The following SNAP25 variants were observed in gnomAD, a reference collection of about 807,000 sequenced individuals.
SNAP25 encodes synaptosomal-associated protein 25.
A neutral mutation model predicts 28.7 loss-of-function variants in SNAP25; 3 were observed. The observed-to-expected ratio is 0.10, with a 90% confidence interval of 0.05 to 0.27. The LOEUF is 0.27. SNAP25 is among the 10% of genes least tolerant of loss of function. The probability of loss-of-function intolerance (pLI) is 1.00; values close to 1 mark genes in which losing one functional copy is unlikely to be tolerated. For missense variants in SNAP25, 117 were observed against 278.7 expected, an observed-to-expected ratio of 0.42 and a Z score of 4.13; for synonymous variants, 61 against 88.1, an observed-to-expected ratio of 0.69 and a Z score of 1.72.
intron 5 of SNAP25, among the ~76,000 whole-genome samples, chr20:10,295,651 G>C (rs546202784): frequency 1.3e-5 from 2 of 151,152 alleles, no homozygotes; most frequent in East Asian, 3.9e-4. Flanking sequence ...GTCCTCTGGC[G>C]AAAGAAGAAG....
chr20:10,247,155 A>G (rs1468447707), intron 1 of SNAP25, among the ~76,000 whole-genome samples: 2 of 152,330 alleles, frequency 1.3e-5, no homozygotes, highest in East Asian at 3.9e-4. Context: ...TGGCAAATGC[A>G]AACATCTTTT....
At chr20:10,273,382 G>T (rs1037827404) in intron 1 of SNAP25, among the ~76,000 whole-genome samples, 22 of 152,136 alleles carry the variant, frequency 1.4e-4, no homozygotes, top group African/African-American at 5.3e-4. Context: ...ACTAGTTAGT[G>T]TAACACAGGC....
chr20:10,271,912 T>TC (rs1324380346), intron 1 of SNAP25, among the ~76,000 whole-genome samples: 11 of 151,684 alleles, frequency 7.3e-5, no homozygotes, highest in East Asian at 3.9e-4. Context: ...GATACACATT[T>TC]CCCCCCCAGG....
chr20:10,264,641 T>C (rs1186713117), intron 1 of SNAP25, among the ~76,000 whole-genome samples: 1 of 150,336 alleles, frequency 6.7e-6, no homozygotes, highest in Non-Finnish European at 1.5e-5. Flanking sequence ...TCTTGTGTTT[T>C]TGGATAGTTT....
intron 6 of SNAP25, 81 bp from the exon 7 acceptor site, chr20:10,299,187 G>C (rs1466804423): frequency 2.0e-6 from 3 of 1,504,620 alleles, no homozygotes; most frequent in Non-Finnish European, 2.7e-6. Flanking sequence ...GAGGACGACA[G>C]ATTTCCACTA....
At chr20:10,278,121 C>T (rs1265750785) in intron 3 of SNAP25, 1 of 158,308 alleles carries the variant, frequency 6.3e-6, no homozygotes, top group African/African-American at 2.4e-5. Context: ...TCTTGAGATT[C>T]TGTTCTAACT....
At chr20:10,275,311 T>C (rs1306321685) in intron 1 of SNAP25, 118 bp from the exon 2 acceptor site, 2 of 397,086 alleles carry the variant, frequency 5.0e-6, no homozygotes, top group African/African-American at 4.1e-5. Context: ...AGTATGGCTT[T>C]CAGATCAGAA....
At chr20:10,300,162 A>G (rs908428956) in intron 7 of SNAP25, among the ~76,000 whole-genome samples, 2 of 152,072 alleles carry the variant, frequency 1.3e-5, no homozygotes, top group Admixed American at 1.3e-4. Flanking sequence ...GGGCCATAAG[A>G]AAGACTGGAG....
intron 1 of SNAP25, among the ~76,000 whole-genome samples, chr20:10,246,223 A>T (rs2063124414): frequency 6.6e-6 from 1 of 152,184 alleles, no homozygotes. Context: ...CCTGGTTTAG[A>T]GTAAAAGAGA....
At chr20:10,296,611 A>C in intron 5 of SNAP25, 1 of 319,018 alleles carries the variant, frequency 3.1e-6, no homozygotes, top group South Asian at 3.5e-5. Context: ...ACTAAAATAG[A>C]ATTAAATGTC....
chr20:10,274,297 C>G (rs545500853), intron 1 of SNAP25, among the ~76,000 whole-genome samples: 23 of 152,278 alleles, frequency 1.5e-4, no homozygotes, highest in African/African-American at 5.5e-4. Flanking sequence ...CACCCTCACA[C>G]AAGCCCTTTT....
intron 1 of SNAP25, among the ~76,000 whole-genome samples, chr20:10,252,914 A>C (rs2063257069): frequency 6.6e-6 from 1 of 151,920 alleles, no homozygotes; most frequent in Non-Finnish European, 1.5e-5. Context: ...CAGATTCTCC[A>C]TCTGAAAAAA....
chr20:10,239,484 T>C (rs2122724376), intron 1 of SNAP25, among the ~76,000 whole-genome samples: 1 of 152,362 alleles, frequency 6.6e-6, no homozygotes, highest in South Asian at 2.1e-4. Flanking sequence ...TAGATCTTTT[T>C]AAACTACAAA....
chr20:10,225,112 C>T (rs1296368495), intron 1 of SNAP25, among the ~76,000 whole-genome samples: 2 of 151,854 alleles, frequency 1.3e-5, no homozygotes, highest in African/African-American at 4.8e-5. Flanking sequence ...GCTTTAAAAA[C>T]ATAGGACAAG....
intron 1 of SNAP25, among the ~76,000 whole-genome samples, chr20:10,272,431 A>G (rs1459681105): frequency 1.3e-5 from 2 of 152,144 alleles, no homozygotes; most frequent in African/African-American, 4.8e-5. Context: ...TATGGTCCAT[A>G]GTCTACTCAA....
intron 1 of SNAP25, among the ~76,000 whole-genome samples, chr20:10,259,417 A>C (rs2063373429): frequency 6.6e-6 from 1 of 152,220 alleles, no homozygotes; most frequent in Non-Finnish European, 1.5e-5. Context: ...CTTTTCCAAA[A>C]AGGATGGGAG....
At position 10,293,026 on chromosome 20, in the gene SNAP25, TG is replaced by T; in HGVS notation, c.164-134del. The stretch of plus-strand genomic sequence containing the variant: ...TAGGTACTGGGTACCAGCTCTAATC[TG>T]TGGCGTCCAGTTTTCTTTCTTTTTT... On this transcript the variant is annotated intron_variant, in intron 4 of 7. Coordinates refer to ENST00000254976, the MANE Select transcript of SNAP25 (RefSeq NM_130811.4). The surrounding 1 kb of genome is among the most constrained non-coding windows in gnomAD (Gnocchi z 5.6). 6.7e-7 allele frequency: 1 copy of T among 1,485,896 alleles called. No individual in the cohort carries two copies. Among genetic ancestry groups the T allele is most frequent in the Non-Finnish European group, 9.2e-7 (1 of 1,091,508 alleles). The allele number at this position is 1,485,896 out of a possible 1,614,324, so 92.0% of individuals were successfully genotyped here. A position where few individuals can be genotyped will look rare whatever the true frequency, so the allele number is the denominator to read the frequency against.
chr20:10,279,636 C>G (rs1438589215), intron 3 of SNAP25, among the ~76,000 whole-genome samples: 2 of 152,196 alleles, frequency 1.3e-5, no homozygotes, highest in Non-Finnish European at 2.9e-5. Context: ...AGTATCTGCT[C>G]TAATTTATTC....
chr20:10,249,790 G>T (rs2051853316), intron 1 of SNAP25, among the ~76,000 whole-genome samples: 1 of 152,154 alleles, frequency 6.6e-6, no homozygotes, highest in East Asian at 1.9e-4. Flanking sequence ...AGAAGCCCTA[G>T]TCTAACAAGA....
Sources: gnomAD v4.1 joint callset for allele counts (sites outside exome capture counted in the v4.1 genomes callset) on GRCh38, gnomAD v4.1.1 for gene constraint, Gnocchi (gnomAD v3.1) non-coding constraint, MANE v1.5 for transcripts, NCBI Gene and HGNC (gene_info 2026-07-23, HGNC 2026-07-21) for gene names.